CDH13: variants seen among roughly 807,000 people sequenced by gnomAD.
The protein encoded by CDH13 is cadherin 13.
Under a neutral mutation model 63.8 loss-of-function variants are expected in CDH13, and 24 were observed. That is an observed-to-expected ratio of 0.38 (90% CI 0.27 to 0.53). The LOEUF is 0.53. CDH13 is among the 20% of genes least tolerant of loss of function. The pLI, the probability that CDH13 is intolerant of heterozygous loss-of-function variation, is 0.85. For synonymous variants in CDH13, 503 were observed against 355.3 expected (o/e 1.42, Z -4.67); for missense variants, 1,049 against 903.1 (o/e 1.16, Z -2.07).
At chr16:82,721,319 G>A (rs1028583799) in intron 1 of CDH13, among the ~76,000 whole-genome samples, 18 of 152,070 alleles carry the variant, frequency 1.2e-4, no homozygotes, top group African/African-American at 4.3e-4. Context: ...ATGTGCTGAA[G>A]GAATACAGAT....
chr16:83,282,017 C>A (rs1277979303), intron 5 of CDH13, among the ~76,000 whole-genome samples: 2 of 152,030 alleles, frequency 1.3e-5, no homozygotes, highest in Non-Finnish European at 1.5e-5. Flanking sequence ...ACTTAGAGAC[C>A]ATTGTAGTGG....
chr16:82,699,307 G>A lies in CDH13; in HGVS notation c.45+72170G>A, dbSNP rs751039043. ...ACAGCTGCTTGTGTCCTCTGCCTCT[G>A]AGAACTAAGCTTCCAGGAGGACCAC... is the stretch of plus-strand genomic sequence containing the variant. On this transcript the variant is annotated intron_variant, in intron 1 of 13. Transcript: ENST00000567109. 2.5e-4 allele frequency among the ~76,000 whole-genome samples: 38 copies of A among 152,278 alleles called. 1 individual carries two copies. The highest frequency in any genetic ancestry group is 4.2e-4 in the South Asian group (2 of 4,810).
intron 2 of CDH13, among the ~76,000 whole-genome samples, chr16:82,936,098 C>A (rs997701586): frequency 1.3e-5 from 2 of 152,116 alleles, no homozygotes; most frequent in African/African-American, 4.8e-5. Flanking sequence ...TTGTCTGCTT[C>A]TTACTGTACA....
intron 3 of CDH13, among the ~76,000 whole-genome samples, chr16:83,102,167 G>T (rs2034510760): frequency 6.6e-6 from 1 of 152,178 alleles, no homozygotes; most frequent in African/African-American, 2.4e-5. Context: ...AGAAGGCAAG[G>T]ATACCTTCTG....
intron 1 of CDH13, chr16:82,829,292 G>T (rs1463919968): frequency 6.6e-6 from 1 of 151,874 alleles, no homozygotes; most frequent in Non-Finnish European, 1.5e-5. Flanking sequence ...ATCACATTAA[G>T]GGAGCGTATA....
At chr16:83,724,152 G>C (rs904768071) in intron 10 of CDH13, among the ~76,000 whole-genome samples, 3 of 151,110 alleles carry the variant, frequency 2.0e-5, no homozygotes, top group Non-Finnish European at 4.4e-5. Context: ...TGAATGCATG[G>C]GTGGGTGATG....
At chr16:83,425,654 T>G (rs959661980) in intron 6 of CDH13, among the ~76,000 whole-genome samples, 1 of 152,242 alleles carries the variant, frequency 6.6e-6, no homozygotes, top group African/African-American at 2.4e-5. Context: ...TTTAGTCATC[T>G]CCTAGAACAC....
chr16:83,736,184 T>C (rs1485973800), intron 10 of CDH13, among the ~76,000 whole-genome samples: 2 of 152,154 alleles, frequency 1.3e-5, no homozygotes, highest in Non-Finnish European at 2.9e-5. Flanking sequence ...TGAAAATTAA[T>C]CATGAAAGCT....
chr16:83,072,334 G>A (rs1055330012), intron 3 of CDH13, among the ~76,000 whole-genome samples: 9 of 152,284 alleles, frequency 5.9e-5, no homozygotes, highest in African/African-American at 2.2e-4. Flanking sequence ...TTAGATTGCT[G>A]TTGTGTTTAT....
chr16:83,102,948 C>CTTTTTTTTTTTTT (rs71148813), intron 3 of CDH13, among the ~76,000 whole-genome samples: 5 of 69,028 alleles, frequency 7.2e-5, no homozygotes, highest in East Asian at 4.0e-4. Context: ...TTTTCTTTTT[C>CTTTTTTTTTTTTT]TTTTTTTTTT....
At chr16:83,727,925 G>A (rs533803735) in intron 10 of CDH13, among the ~76,000 whole-genome samples, 1 of 152,304 alleles carries the variant, frequency 6.6e-6, no homozygotes, top group South Asian at 2.1e-4. Context: ...GGGATTCAAG[G>A]GTTTAAGTAT....
intron 10 of CDH13, among the ~76,000 whole-genome samples, chr16:83,719,924 C>G (rs1191954614): frequency 6.6e-6 from 1 of 152,198 alleles, no homozygotes; most frequent in East Asian, 1.9e-4. Context: ...ACAGTGGGGT[C>G]AGACTCCACT....
chr16:82,920,780 T>C (rs1448741775), intron 2 of CDH13, among the ~76,000 whole-genome samples: 3 of 152,246 alleles, frequency 2.0e-5, no homozygotes, highest in Non-Finnish European at 4.4e-5. Flanking sequence ...GGGTTAAGAA[T>C]GGACATCATT....
chr16:83,648,917 C>T (rs189248897), intron 8 of CDH13, among the ~76,000 whole-genome samples: 1 of 152,230 alleles, frequency 6.6e-6, no homozygotes, highest in Non-Finnish European at 1.5e-5. Context: ...TTTTTCTGCA[C>T]TCTATCCCCA....
At chr16:83,289,139 C>T (rs1405974600) in intron 5 of CDH13, among the ~76,000 whole-genome samples, 3 of 152,224 alleles carry the variant, frequency 2.0e-5, no homozygotes, top group Non-Finnish European at 4.4e-5. Flanking sequence ...AAAAAAGACA[C>T]ATTTCTGCTG....
chr16:82,931,595 C>G (rs1021939100), intron 2 of CDH13, among the ~76,000 whole-genome samples: 2 of 151,340 alleles, frequency 1.3e-5, no homozygotes, highest in South Asian at 4.2e-4. Context: ...AAAGACATAC[C>G]TGAGACTGGG....
At chr16:83,774,259 T>C (rs574619133) in intron 11 of CDH13, among the ~76,000 whole-genome samples, 4 of 152,328 alleles carry the variant, frequency 2.6e-5, no homozygotes, top group South Asian at 2.1e-4. Context: ...TGATGATTCC[T>C]TGGGTACCCA....
chr16:83,587,715 G>A lies in CDH13; in HGVS notation c.961-14739G>A, dbSNP rs372233213. On this transcript the variant is annotated intron_variant, in intron 7 of 13. Coordinates refer to ENST00000567109, the MANE Select transcript of CDH13 (RefSeq NM_001257.5). ...CAGATTTTGTAAAATCTTAACATACGGAGCCACCATAAAACGTATTATCTT... is the reference window on the plus strand; with the variant it reads ...CAGATTTTGTAAAATCTTAACATACAGAGCCACCATAAAACGTATTATCTT... 2.4e-4 allele frequency among the ~76,000 whole-genome samples: 37 copies of A among 152,160 alleles called. No individual in the cohort carries two copies. In the East Asian group the frequency reaches 2.5e-3, roughly 10 times the overall value.
intron 5 of CDH13, among the ~76,000 whole-genome samples, chr16:83,226,091 A>G (rs2039829436): frequency 1.3e-5 from 2 of 152,208 alleles, no homozygotes; most frequent in African/African-American, 4.8e-5. Context: ...AGTGCTTGTG[A>G]AAAAATAATT....
Sources: allele counts gnomAD v4.1 joint callset (sites outside exome capture counted in the v4.1 genomes callset), GRCh38; gene constraint gnomAD v4.1.1; transcripts MANE v1.5; gene names NCBI Gene and HGNC (gene_info 2026-07-23, HGNC 2026-07-21).